Variants in UBAP2 observed in about 807,000 individuals in gnomAD.
UBAP2 encodes ubiquitin-associated protein 2.
In UBAP2, 75 loss-of-function variants were observed where a neutral mutation model predicts 139.6. That is an observed-to-expected ratio of 0.54 (90% confidence interval 0.45 to 0.65). The LOEUF (loss-of-function observed/expected upper bound fraction) is 0.65, where lower values mean the gene tolerates loss of function less well. UBAP2 is among the 30% of genes least tolerant of loss of function. The pLI is 0.00. For synonymous variants in UBAP2, 526 were observed against 526.2 expected, an observed-to-expected ratio of 1.00 and a Z score of 0.01; for missense variants, 1,368 against 1,369.6, an observed-to-expected ratio of 1.00 and a Z score of 0.02.
intron 1 of UBAP2, among the ~76,000 whole-genome samples, chr9:34,027,190 T>TGAGGCC (rs1825470799): frequency 1.3e-5 from 2 of 151,996 alleles, no homozygotes; most frequent in Non-Finnish European, 2.9e-5. Context: ...ATTAAGAATC[T>TGAGGCC]GAGGCCAAGG....
chr9:33,950,932 G>C (rs553116305), intron 12 of UBAP2, among the ~76,000 whole-genome samples: 24 of 152,272 alleles, frequency 1.6e-4, no homozygotes, highest in Admixed American at 1.2e-3. Context: ...AACACACACA[G>C]TGCCCAAATC....
chr9:33,932,815 C>T (rs184695466), intron 18 of UBAP2, among the ~76,000 whole-genome samples, 187 bp from the exon 19 acceptor site: 199 of 152,318 alleles, frequency 1.3e-3, no homozygotes, highest in Non-Finnish European at 1.4e-3. Flanking sequence ...GGGAATGACT[C>T]GCCATGAGGT....
At chr9:33,992,629 G>A (rs1821810212) in intron 4 of UBAP2, among the ~76,000 whole-genome samples, 1 of 110,748 alleles carries the variant, frequency 9.0e-6, no homozygotes, top group Non-Finnish European at 1.8e-5. Flanking sequence ...CTTGGTTTAT[G>A]AGCTCTACAA....
At chr9:34,018,906 A>T (rs1203469179) in intron 1 of UBAP2, among the ~76,000 whole-genome samples, 2 of 151,982 alleles carry the variant, frequency 1.3e-5, no homozygotes, top group Non-Finnish European at 2.9e-5. Flanking sequence ...AAATTAATTA[A>T]TTAAAAAGCA....
rs564991680 is a variant in UBAP2 at position 33,979,538 on chromosome 9, G to C, written c.521-6301C>G. Among the ~76,000 whole-genome samples, 267 of 151,736 alleles carry C rather than the reference G, an allele frequency of 1.8e-3. 2 individuals are homozygous for C. Among genetic ancestry groups the C allele is most frequent in the African/African-American group, 6.3e-3 (261 of 41,330 alleles). On this transcript the variant is annotated intron_variant, in intron 6 of 28. Transcript: ENST00000379238. ...TGCGGTGAGCCAAGATCCCACCATC[G>C]CACTCCAGCCAGGGCAACAAGAGAG... is the stretch of plus-strand genomic sequence containing the variant.
chr9:34,016,417 G>A (rs1006329195), intron 2 of UBAP2, among the ~76,000 whole-genome samples: 3 of 151,432 alleles, frequency 2.0e-5, no homozygotes, highest in East Asian at 1.9e-4. Context: ...GGTGGTGGCA[G>A]TGGCAGCCTA....
chr9:33,925,598 G>A (rs527851503), intron 22 of UBAP2, among the ~76,000 whole-genome samples: 154 of 152,292 alleles, frequency 1.0e-3, no homozygotes, highest in South Asian at 6.2e-4. Flanking sequence ...GCCTTTGGCC[G>A]GCAGATTAAA....
intron 16 of UBAP2, among the ~76,000 whole-genome samples, chr9:33,940,396 A>G (rs899422016): frequency 1.3e-5 from 2 of 152,192 alleles, no homozygotes; most frequent in African/African-American, 4.8e-5. Flanking sequence ...TGGCTTAAAA[A>G]TTTACTCAGA....
Position 33,947,967 on chromosome 9 carries a change from G to C in UBAP2, c.1270+407C>G, listed in dbSNP as rs1825777827. On this transcript the variant is annotated intron_variant, in intron 13 of 28. Coordinates refer to ENST00000379238, the MANE Select transcript of UBAP2 (RefSeq NM_001370062.2). Reference sequence around the variant, plus strand: ...GGTGGAGATCAGCCTACGCAGCACAGGAAGACCCCATCTCAAAAAAAAAAA... The same window carrying C: ...GGTGGAGATCAGCCTACGCAGCACACGAAGACCCCATCTCAAAAAAAAAAA... 2.9e-5 allele frequency among the ~76,000 whole-genome samples: 4 copies of C among 138,918 alleles called. No homozygotes were observed. The South Asian group carries it at 9.4e-4, about 32-fold the overall frequency. 91.1% of individuals were successfully genotyped at this position (138,918 alleles called of 152,430 possible). A position where few individuals can be genotyped will look rare whatever the true frequency, so the allele number is the denominator to read the frequency against.
At chr9:34,048,188 A>T (rs1416160109) in intron 1 of UBAP2, among the ~76,000 whole-genome samples, 1 of 152,246 alleles carries the variant, frequency 6.6e-6, no homozygotes, top group Non-Finnish European at 1.5e-5. Flanking sequence ...TTATTAACAG[A>T]GAGAGCTTTG....
intron 2 of UBAP2, among the ~76,000 whole-genome samples, chr9:34,003,660 C>CCCT (rs1822924335): frequency 6.6e-6 from 1 of 151,712 alleles, no homozygotes; most frequent in South Asian, 2.1e-4. Context: ...TCCTGCCTTG[C>CCCT]CCTCCCAAAG....
chr9:34,028,421 C>A (rs1317513565), intron 1 of UBAP2, among the ~76,000 whole-genome samples: 1 of 146,460 alleles, frequency 6.8e-6, no homozygotes, highest in Non-Finnish European at 1.5e-5. Context: ...CTGTTGTCAC[C>A]CAGGCTGGAG....
At chr9:33,937,812 G>T (rs1187900423) in intron 16 of UBAP2, among the ~76,000 whole-genome samples, 1 of 150,700 alleles carries the variant, frequency 6.6e-6, no homozygotes, top group African/African-American at 2.4e-5. Context: ...ATCCCAGCTA[G>T]TCAGGAGGCT....
intron 6 of UBAP2, among the ~76,000 whole-genome samples, chr9:33,978,016 TA>T (rs78838897): frequency 0.012 from 1,382 of 118,202 alleles, 8 homozygotes; most frequent in Non-Finnish European, 0.015. Flanking sequence ...CTCTGTCTTT[TA>T]AAAAAAAAAA....
At chr9:34,038,816 G>A (rs1434539688) in intron 1 of UBAP2, among the ~76,000 whole-genome samples, 1 of 151,596 alleles carries the variant, frequency 6.6e-6, no homozygotes, top group Non-Finnish European at 1.5e-5. Flanking sequence ...CTTCCTGGCC[G>A]CCATCCCGTC....
chr9:33,953,174 G>A, intron 12 of UBAP2, 111 bp downstream of exon 12: 1 of 1,106,606 alleles, frequency 9.0e-7, no homozygotes, highest in East Asian at 2.6e-5. Context: ...CGGCCTTACT[G>A]TAGATATTTT....
rs529700627 is a variant in UBAP2, at chr9:33,936,396, T to C, written c.1930-518A>G. On this transcript the variant is annotated intron_variant, in intron 16 of 28. Coordinates refer to ENST00000379238, the MANE Select transcript of UBAP2 (RefSeq NM_001370062.2). Reference sequence around the variant, plus strand: ...GCAAACTCCATCTCCCAGGTTCAAGTGATTCTCCTACCTCAGCCTCCCAAG... The same window carrying C: ...GCAAACTCCATCTCCCAGGTTCAAGCGATTCTCCTACCTCAGCCTCCCAAG... Among the ~76,000 whole-genome samples, 32 of 152,108 alleles carry C rather than the reference T, an allele frequency of 2.1e-4. No homozygotes were observed. In the East Asian group the frequency reaches 6.2e-3, roughly 29 times the overall value.
At position 33,927,692 on chromosome 9, in the gene UBAP2, G is replaced by A. The variant is rs565461405; in HGVS notation, c.2371+105C>T. ...GGTCAGTGGAACACGCAGCGCACTC[G>A]GCGGGCCTGAGACTCTCCTGACACC... On this transcript the variant is annotated intron_variant, in intron 20 of 28. Transcript: ENST00000379238. 102 of 1,226,382 alleles carry A rather than the reference G, an allele frequency of 8.3e-5. No homozygotes were observed. In the South Asian group the frequency reaches 8.6e-4, roughly 10 times the overall value. The allele number at this position is 1,226,382 out of a possible 1,614,324, so 76.0% of individuals were successfully genotyped here.
chr9:33,937,404 C>T (rs1266083800), intron 16 of UBAP2, among the ~76,000 whole-genome samples: 1 of 151,704 alleles, frequency 6.6e-6, no homozygotes, highest in African/African-American at 2.4e-5. Flanking sequence ...GTCAGGAGAT[C>T]GAGACCAGCC....
Sources: gnomAD v4.1 joint callset for allele counts (sites outside exome capture counted in the v4.1 genomes callset) on GRCh38, gnomAD v4.1.1 for gene constraint, MANE v1.5 for transcripts, NCBI Gene and HGNC (gene_info 2026-07-23, HGNC 2026-07-21) for gene names.